The following LAMB4 variants were observed in gnomAD, a reference collection of about 807,000 sequenced individuals.
The protein encoded by LAMB4 is laminin subunit beta 4.
In LAMB4, 196 loss-of-function variants were observed where a neutral mutation model predicts 199.2. The observed-to-expected ratio is 0.98, with a 90% CI of 0.88 to 1.11. LAMB4 has a LOEUF of 1.11. LAMB4 is among the 50% of genes least tolerant of loss of function. The pLI is 0.00. For synonymous variants in LAMB4, 744 were observed against 770.6 expected (o/e 0.97, Z 0.57); for missense variants, 2,080 against 2,171.2 (o/e 0.96, Z 0.83).
chr7:108,082,866 C>T (rs751738351), intron 14 of LAMB4, among the ~76,000 whole-genome samples: 15 of 152,054 alleles, frequency 9.9e-5, no homozygotes, highest in Non-Finnish European at 1.9e-4. Flanking sequence ...CCATCATATC[C>T]CCATTTAAAG....
At chr7:108,021,909 A>C (rs1050104182), downstream of LAMB4, among the ~76,000 whole-genome samples, 29 of 152,190 alleles carry the variant, frequency 1.9e-4, no homozygotes, top group African/African-American at 6.5e-4. Flanking sequence ...AAGGGAATAG[A>C]TATTCTCTCT....
Position 108,063,744 on chromosome 7 carries a change from G to C in LAMB4, c.3061+17C>G. On this transcript the variant is annotated intron_variant, in intron 22 of 33. Coordinates refer to ENST00000388781, the MANE Select transcript of LAMB4 (RefSeq NM_007356.3). Reference sequence around the variant, plus strand: ...ACTCAGCTGACACATTTCCCCCTGGGAGTTTTGCAGACTTACTTCTGCAGG... The same window carrying C: ...ACTCAGCTGACACATTTCCCCCTGGCAGTTTTGCAGACTTACTTCTGCAGG... The C allele has an allele frequency of 6.3e-7, 1 of 1,598,496 alleles. No individual in the cohort carries two copies. Among genetic ancestry groups the C allele is most frequent in the Non-Finnish European group, 8.6e-7 (1 of 1,165,912 alleles).
At chr7:108,105,286 C>T (rs1357403569) in intron 8 of LAMB4, among the ~76,000 whole-genome samples, 3 of 152,132 alleles carry the variant, frequency 2.0e-5, no homozygotes, top group Non-Finnish European at 4.4e-5. Context: ...CACAGCCATT[C>T]CCAGGGTAAG....
At chr7:108,042,610 A>AC (rs1313819859) in intron 29 of LAMB4, among the ~76,000 whole-genome samples, 1 of 152,106 alleles carries the variant, frequency 6.6e-6, no homozygotes, top group East Asian at 1.9e-4. Flanking sequence ...GACTGATTCT[A>AC]CCCCATTCGT....
intron 14 of LAMB4, among the ~76,000 whole-genome samples, chr7:108,084,519 A>T (rs1048951053): frequency 4.6e-5 from 7 of 152,214 alleles, no homozygotes; most frequent in African/African-American, 1.4e-4. Flanking sequence ...AGCAGAAGAG[A>T]TATGCGCATC....
intron 29 of LAMB4, among the ~76,000 whole-genome samples, chr7:108,040,709 G>A (rs1330547486): frequency 6.6e-6 from 1 of 152,218 alleles, no homozygotes; most frequent in Non-Finnish European, 1.5e-5. Flanking sequence ...CTAGCCATAT[G>A]CAGAACGCTG....
chr7:108,078,931 G>A (rs112206197), intron 15 of LAMB4, among the ~76,000 whole-genome samples: 1,772 of 152,240 alleles, frequency 0.012, 34 homozygotes, highest in African/African-American at 0.04. Context: ...GTGATGCACC[G>A]TGGGAGCCTC....
At chr7:108,118,112 T>C (rs77649093) in intron 2 of LAMB4, among the ~76,000 whole-genome samples, 1,665 of 152,178 alleles carry the variant, frequency 0.011, 31 homozygotes, top group African/African-American at 0.038. Context: ...CTGACACTTA[T>C]AGAAATAGTT....
In LAMB4 at chr7:108,049,352, G is replaced by A; in HGVS notation, c.4096C>T (p.Pro1366Ser). Residue 1366 changes from proline (P) to serine (S), a missense_variant, in exon 27 of 34, where the codon CCA (proline) becomes TCA (serine). Coordinates refer to ENST00000388781, the MANE Select transcript of LAMB4 (RefSeq NM_007356.3). Reference protein sequence around the residue: ...SLERLKQIKIPDIQILNEKVC... With the variant: ...SLERLKQIKISDIQILNEKVC... ...TTTTCATTCAATATTTGGATATCTG[G>A]TATCTTAATCTGCTTTAATCTTTCC... 6.4e-7 allele frequency: 1 copy of A among 1,572,990 alleles called. No homozygotes were observed. Among genetic ancestry groups the A allele is most frequent in the Non-Finnish European group, 8.7e-7 (1 of 1,146,590 alleles).
At chr7:108,045,961 G>T (rs1401547939) in intron 28 of LAMB4, among the ~76,000 whole-genome samples, 1 of 151,964 alleles carries the variant, frequency 6.6e-6, no homozygotes, top group Non-Finnish European at 1.5e-5. Context: ...GTGTATCTTG[G>T]CTGTGGTTCT....
rs117505914 is a variant in LAMB4 at position 108,084,524 on chromosome 7, C to T, written c.1702-4738G>A. Among the ~76,000 whole-genome samples, 26 of 152,198 alleles carry T rather than the reference C, an allele frequency of 1.7e-4. 1 individual carries two copies. In the East Asian group the frequency reaches 4.1e-3, roughly 24 times the overall value. ...CATGCACGTGAGCAGAAGAGATATG[C>T]GCATCATGTATGTCTGCTTCCTTGT... On this transcript the variant is annotated intron_variant, in intron 14 of 33. Coordinates refer to ENST00000388781, the MANE Select transcript of LAMB4 (RefSeq NM_007356.3).
rs80248898 is a variant in LAMB4, at chr7:108,069,043, C to T, written c.2302+665G>A. ...ATATATTTCATGACATGGTGGGTAC[C>T]CTGAACTCATAGCTCTGTCCTAATG... On this transcript the variant is annotated intron_variant, in intron 18 of 33. Coordinates refer to ENST00000388781, the MANE Select transcript of LAMB4 (RefSeq NM_007356.3). Among the ~76,000 whole-genome samples the T allele has an allele frequency of 3.3e-5, 5 of 152,232 alleles. No homozygotes were observed. The East Asian group carries it at 5.8e-4, about 18-fold the overall frequency.
In LAMB4 at chr7:108,067,716, C is replaced by T. The variant is rs73424747; in HGVS notation, c.2446+300G>A. On this transcript the variant is annotated intron_variant, in intron 19 of 33. Coordinates refer to ENST00000388781, the MANE Select transcript of LAMB4 (RefSeq NM_007356.3). Reference sequence around the variant, plus strand: ...TGCCAGCTCCCTTCATGGTGTTCCACGTTTTAACTGAACTACCAACCATTT... The same window carrying T: ...TGCCAGCTCCCTTCATGGTGTTCCATGTTTTAACTGAACTACCAACCATTT... Among the ~76,000 whole-genome samples the T allele has an allele frequency of 6.9e-3, 1,058 of 152,280 alleles. 8 individuals carry two copies. Among genetic ancestry groups the T allele is most frequent in the African/African-American group, 0.019 (808 of 41,544 alleles).
intron 11 of LAMB4, among the ~76,000 whole-genome samples, chr7:108,096,150 T>C (rs1359753146): frequency 1.3e-5 from 2 of 152,204 alleles, no homozygotes; most frequent in East Asian, 3.9e-4. Flanking sequence ...GCCCTTTATA[T>C]AATAACTCCC....
At chr7:108,112,586 C>T (rs2038270132) in intron 3 of LAMB4, among the ~76,000 whole-genome samples, 1 of 152,106 alleles carries the variant, frequency 6.6e-6, no homozygotes, top group Non-Finnish European at 1.5e-5. Flanking sequence ...AGCCACTGAC[C>T]CCAGCCTGCT....
downstream of LAMB4, among the ~76,000 whole-genome samples, chr7:108,018,968 C>A (rs954829168): frequency 6.6e-6 from 1 of 152,160 alleles, no homozygotes; most frequent in African/African-American, 2.4e-5. Context: ...TTTCTTCCAC[C>A]TTGTTTCACA....
chr7:108,101,982 A>T (rs1353206086), intron 10 of LAMB4, among the ~76,000 whole-genome samples: 3 of 152,212 alleles, frequency 2.0e-5, no homozygotes, highest in Non-Finnish European at 4.4e-5. Context: ...GCAGAGCCCC[A>T]GGAACTCCCA....
chr7:108,126,440 G>C (rs1385863017), intron 1 of LAMB4, among the ~76,000 whole-genome samples: 1 of 151,228 alleles, frequency 6.6e-6, no homozygotes, highest in Non-Finnish European at 1.5e-5. Context: ...ACTACTCTAA[G>C]TATCTAACAT....
chr7:108,101,186 A>G (rs1456237018), intron 10 of LAMB4, among the ~76,000 whole-genome samples: 1 of 152,160 alleles, frequency 6.6e-6, no homozygotes, highest in African/African-American at 2.4e-5. Flanking sequence ...GCAATCTTCC[A>G]TGGATGCTGG....
Sources: gnomAD v4.1 joint callset for allele counts (sites outside exome capture counted in the v4.1 genomes callset) on GRCh38, gnomAD v4.1.1 for gene constraint, MANE v1.5 for transcripts, NCBI Gene and HGNC (gene_info 2026-07-23, HGNC 2026-07-21) for gene names.